P2RY14: variants seen among roughly 807,000 people sequenced by gnomAD.
P2RY14 encodes P2Y purinoceptor 14.
A neutral mutation model predicts 0.9 loss-of-function variants in P2RY14; 2 were observed. That is an observed-to-expected ratio of 2.16 (90% CI 0.88 to 6.79). The LOEUF is 6.79. Ranked by LOEUF, P2RY14 falls within the 30% of genes most tolerant of loss-of-function variation. The pLI is 0.05. For synonymous variants in P2RY14, 158 were observed against 147.2 expected (o/e 1.07, Z -0.53); for missense variants, 378 against 400.1 (o/e 0.94, Z 0.47).
chr3:151,221,524 G>A (rs897121758), intron 1 of P2RY14, among the ~76,000 whole-genome samples: 2 of 152,190 alleles, frequency 1.3e-5, no homozygotes, highest in African/African-American at 4.8e-5. Flanking sequence ...GCAGCCTGGG[G>A]AATTGGTGCC....
intron 1 of P2RY14, among the ~76,000 whole-genome samples, chr3:151,256,152 C>T (rs1737774566): frequency 6.6e-6 from 1 of 152,146 alleles, no homozygotes; most frequent in Non-Finnish European, 1.5e-5. Context: ...GTCTTTGACC[C>T]AGCCACTGTG....
At chr3:151,253,871 A>G (rs1737298933) in intron 1 of P2RY14, among the ~76,000 whole-genome samples, 1 of 152,148 alleles carries the variant, frequency 6.6e-6, no homozygotes, top group South Asian at 2.1e-4. Context: ...CTCCACTGAA[A>G]AAGGTCTTTC....
At chr3:151,276,383 A>T (rs56367650) in intron 1 of P2RY14, among the ~76,000 whole-genome samples, 71,899 of 151,972 alleles carry the variant, frequency 0.47, 17,095 homozygotes, top group Middle Eastern at 0.65. Flanking sequence ...TAAAGGAAAC[A>T]CTCCTTATTG....
At chr3:151,218,059 T>G (rs1728588449) in intron 2 of P2RY14, among the ~76,000 whole-genome samples, 1 of 152,206 alleles carries the variant, frequency 6.6e-6, no homozygotes, top group Non-Finnish European at 1.5e-5. Context: ...CTCCTTATCT[T>G]TAGTACAGAT....
rs1029154056 is a variant in P2RY14 at position 151,214,307 on chromosome 3, A to G, written c.10T>C (p.Ser4Pro). The change falls in exon 3 of 3, where the codon TCA becomes CCA. Residue 4 changes from serine (S) to proline (P), a missense_variant. Transcript: ENST00000309170. MIN[S>P]TSTQPPDESC... ...TCATCTGGAGGCTGTGTGGAGGTTG[A>G]ATTGATCATCTTGTAACTTCTGAAG... The G allele has an allele frequency of 6.2e-7, 1 of 1,612,640 alleles. No homozygotes were observed. Among genetic ancestry groups the G allele is most frequent in the Non-Finnish European group, 8.5e-7 (1 of 1,179,232 alleles).
At chr3:151,257,925 C>A (rs777527651) in intron 1 of P2RY14, among the ~76,000 whole-genome samples, 2 of 152,152 alleles carry the variant, frequency 1.3e-5, no homozygotes, top group Non-Finnish European at 1.5e-5. Context: ...TGCTTCCTTC[C>A]CCACCTTCCC....
intron 1 of P2RY14, among the ~76,000 whole-genome samples, chr3:151,252,958 T>C (rs1323109257): frequency 6.6e-6 from 1 of 152,204 alleles, no homozygotes; most frequent in African/African-American, 2.4e-5. Flanking sequence ...GGAATGTGTA[T>C]ACATTTAGGA....
chr3:151,234,942 C>T lies in P2RY14; in HGVS notation c.-132-15300G>A, dbSNP rs560539491. Among the ~76,000 whole-genome samples the T allele has an allele frequency of 2.6e-5, 4 of 152,328 alleles. No homozygotes were observed. The Middle Eastern group carries it at 0.01, about 389-fold the overall frequency. ...CAGCCTGAAGCAGCAAACGTTCCAG[C>T]GAACTTTCTTCTATCTCTTCTATTT... is the stretch of plus-strand genomic sequence containing the variant. On this transcript the variant is annotated intron_variant, in intron 1 of 2. Coordinates refer to ENST00000309170, the MANE Select transcript of P2RY14 (RefSeq NM_014879.4).
intron 1 of P2RY14, among the ~76,000 whole-genome samples, chr3:151,225,436 G>A (rs1730295457): frequency 1.3e-5 from 2 of 152,178 alleles, no homozygotes; most frequent in Non-Finnish European, 2.9e-5. Context: ...GGAAGGGCAA[G>A]TGAGCATGTG....
intron 1 of P2RY14, among the ~76,000 whole-genome samples, chr3:151,273,874 C>G (rs1741425379): frequency 1.3e-5 from 2 of 152,284 alleles, no homozygotes; most frequent in South Asian, 4.2e-4. Context: ...ATTTAAGACC[C>G]TCATTTTTGT....
intron 1 of P2RY14, among the ~76,000 whole-genome samples, chr3:151,239,101 A>G (rs1448217365): frequency 6.6e-6 from 1 of 152,222 alleles, no homozygotes; most frequent in African/African-American, 2.4e-5. Flanking sequence ...AGGAGGGGCA[A>G]TATTAATTAG....
Position 151,226,533 on chromosome 3 carries a change from G to A in P2RY14, c.-132-6891C>T, listed in dbSNP as rs184322053. Reference sequence around the variant, plus strand: ...CTGCTCCTGAAAGAATGTGGGGGCAGCATGTTTTATATGAATGTGATCCTT... The same window carrying A: ...CTGCTCCTGAAAGAATGTGGGGGCAACATGTTTTATATGAATGTGATCCTT... On this transcript the variant is annotated intron_variant, in intron 1 of 2. Transcript: ENST00000309170. Among the ~76,000 whole-genome samples the A allele has an allele frequency of 1.9e-3, 290 of 152,260 alleles. 3 individuals are homozygous for A. Among genetic ancestry groups the A allele is most frequent in the East Asian group, 4.8e-3 (25 of 5,182 alleles).
chr3:151,221,405 A>G (rs371535934), intron 1 of P2RY14, among the ~76,000 whole-genome samples: 5 of 152,240 alleles, frequency 3.3e-5, no homozygotes, highest in African/African-American at 9.6e-5. Flanking sequence ...GGGAAAATGT[A>G]TCCAGGGCAT....
intron 1 of P2RY14, among the ~76,000 whole-genome samples, chr3:151,270,338 C>T (rs1457169357): frequency 6.6e-6 from 1 of 151,628 alleles, no homozygotes; most frequent in Non-Finnish European, 1.5e-5. Context: ...GAGCAGAATA[C>T]AATGGGAAAA....
chr3:151,230,127 G>C (rs886293248), intron 1 of P2RY14, among the ~76,000 whole-genome samples: 2 of 152,050 alleles, frequency 1.3e-5, no homozygotes, highest in East Asian at 3.9e-4. Context: ...CCGCCACCAC[G>C]CCTGGCTAAT....
intron 1 of P2RY14, 49 bp from the exon 2 acceptor site, chr3:151,219,691 T>C (rs894234450): frequency 2.0e-5 from 3 of 152,188 alleles, no homozygotes; most frequent in African/African-American, 7.2e-5. Flanking sequence ...GCACCTGACT[T>C]TTTATTGGGA....
chr3:151,259,086 A>C lies in P2RY14; in HGVS notation c.-133+19201T>G, dbSNP rs189980164. Among the ~76,000 whole-genome samples the C allele has an allele frequency of 3.5e-3, 531 of 152,312 alleles. 1 individual carries two copies. Among genetic ancestry groups the C allele is most frequent in the Non-Finnish European group, 6.3e-3 (430 of 68,026 alleles). On this transcript the variant is annotated intron_variant, in intron 1 of 2. Coordinates refer to ENST00000309170, the MANE Select transcript of P2RY14 (RefSeq NM_014879.4). ...CGCATTTGGGAAATGACATACTTTAAATATACTGGAATAAGGAGAACCTTT... is the reference window on the plus strand; with the variant it reads ...CGCATTTGGGAAATGACATACTTTACATATACTGGAATAAGGAGAACCTTT...
intron 2 of P2RY14, among the ~76,000 whole-genome samples, chr3:151,216,267 A>G (rs901626786): frequency 6.6e-6 from 1 of 152,242 alleles, no homozygotes; most frequent in Non-Finnish European, 1.5e-5. Context: ...TTATTCAGGG[A>G]TCAAGGGAAA....
intron 1 of P2RY14, among the ~76,000 whole-genome samples, chr3:151,246,182 A>G (rs1735418197): frequency 6.6e-6 from 1 of 152,230 alleles, no homozygotes; most frequent in South Asian, 2.1e-4. Context: ...TATCGTGAAA[A>G]TGGCCATACT....
Sources: allele counts gnomAD v4.1 joint callset (sites outside exome capture counted in the v4.1 genomes callset), GRCh38; gene constraint gnomAD v4.1.1; transcripts MANE v1.5; gene names NCBI Gene and HGNC (gene_info 2026-07-23, HGNC 2026-07-21).